Variants in SLC44A5 observed in about 807,000 individuals in gnomAD.
SLC44A5 encodes choline transporter-like protein 5.
A neutral mutation model predicts 101.8 loss-of-function variants in SLC44A5; 57 were observed. The observed-to-expected ratio is 0.56, with a 90% CI of 0.45 to 0.70. The LOEUF (loss-of-function observed/expected upper bound fraction) is 0.70, where lower values mean the gene tolerates loss of function less well. Among genes scored for constraint, SLC44A5 ranks in the 30% least tolerant of loss-of-function variants. The pLI, the probability that SLC44A5 is intolerant of heterozygous loss-of-function variation, is 0.00. For synonymous variants in SLC44A5, 281 were observed against 290.9 expected (o/e 0.97, Z 0.35); for missense variants, 737 against 853.1 (o/e 0.86, Z 1.70).
Position 75,249,359 on chromosome 1 carries a change from C to T in SLC44A5, c.345+1851G>A, listed in dbSNP as rs537543603. Among the ~76,000 whole-genome samples the T allele has an allele frequency of 2.9e-4, 44 of 152,088 alleles. No individual in the cohort carries two copies. In the South Asian group the frequency reaches 8.7e-3, roughly 30 times the overall value. ...AATGCTAGAAAAAATCATGAGGTAG[C>T]CTTAAAAAGCCTTTCACTGTTAAAA... On this transcript the variant is annotated intron_variant, in intron 7 of 23. Transcript: ENST00000370859.
intron 1 of SLC44A5, among the ~76,000 whole-genome samples, chr1:75,587,021 G>T (rs944344498): frequency 6.6e-6 from 1 of 152,070 alleles, no homozygotes; most frequent in African/African-American, 2.4e-5. Flanking sequence ...GGGGCAGGCT[G>T]GTGCCCCCTA....
intron 2 of SLC44A5, among the ~76,000 whole-genome samples, chr1:75,486,472 T>C (rs2101796788): frequency 6.6e-6 from 1 of 152,306 alleles, no homozygotes; most frequent in Middle Eastern, 3.4e-3. Context: ...TTTCCAAAAT[T>C]CAGAGAAAAG....
intron 5 of SLC44A5, among the ~76,000 whole-genome samples, chr1:75,300,014 CAAAAAAAAAA>C (rs35608663): frequency 0.44 from 41,562 of 94,020 alleles, 7,651 homozygotes; most frequent in East Asian, 0.83. Context: ...GACTCTGTCT[CAAAAAAAAAA>C]AAAAAAAAAA....
chr1:75,677,514 A>G, the SLC44A5 span, among the ~76,000 whole-genome samples: 1 of 152,202 alleles, frequency 6.6e-6, no homozygotes. Context: ...ATGTTAAAAC[A>G]TATCATCAGA....
intron 1 of SLC44A5, chr1:75,582,106 C>A: frequency 1.4e-6 from 1 of 730,184 alleles, no homozygotes; most frequent in South Asian, 1.4e-5. Flanking sequence ...ATGGCCAAGT[C>A]CAAGAACCAC....
At chr1:75,376,584 C>T (rs558009721) in intron 3 of SLC44A5, among the ~76,000 whole-genome samples, 1,546 of 152,186 alleles carry the variant, frequency 0.01, 28 homozygotes, top group African/African-American at 0.034. Flanking sequence ...ACACCTCACA[C>T]GGCAGGGTAC....
the SLC44A5 span, among the ~76,000 whole-genome samples, chr1:75,688,601 G>A: frequency 4.6e-5 from 7 of 152,232 alleles, no homozygotes; most frequent in South Asian, 1.5e-3. Flanking sequence ...CATCCTACTT[G>A]ACCTCAAAAG....
chr1:75,496,573 T>A (rs1668683014), intron 2 of SLC44A5, among the ~76,000 whole-genome samples: 2 of 148,234 alleles, frequency 1.3e-5, no homozygotes. Flanking sequence ...TTTTTGCATA[T>A]GACATCACAA....
intron 2 of SLC44A5, among the ~76,000 whole-genome samples, chr1:75,407,448 T>C (rs1662952532): frequency 6.6e-6 from 1 of 152,154 alleles, no homozygotes; most frequent in African/African-American, 2.4e-5. Context: ...TCACGCTACC[T>C]GACTTCAAAC....
At chr1:75,511,931 G>A (rs1042739645) in intron 2 of SLC44A5, among the ~76,000 whole-genome samples, 33 of 152,146 alleles carry the variant, frequency 2.2e-4, no homozygotes, top group Non-Finnish European at 2.9e-5. Flanking sequence ...TACATAGCTA[G>A]GACATTAAGT....
At chr1:75,429,477 T>C (rs1454099923) in intron 2 of SLC44A5, among the ~76,000 whole-genome samples, 1 of 152,222 alleles carries the variant, frequency 6.6e-6, no homozygotes, top group Non-Finnish European at 1.5e-5. Context: ...AGGGCTATGA[T>C]GTCTAAGCAC....
the SLC44A5 span, among the ~76,000 whole-genome samples, chr1:75,646,002 G>A: frequency 1.5e-5 from 2 of 133,342 alleles, no homozygotes; most frequent in Non-Finnish European, 3.3e-5. Context: ...TATCTGTTCT[G>A]GTACCAGTAC....
chr1:75,355,061 GGTTGGTAA>G (rs1658968764), intron 3 of SLC44A5, among the ~76,000 whole-genome samples: 1 of 152,146 alleles, frequency 6.6e-6, no homozygotes, highest in South Asian at 2.1e-4. Flanking sequence ...ATAAATGAGA[GGTTGGTAA>G]GATGTGCTTA....
intron 4 of SLC44A5, among the ~76,000 whole-genome samples, chr1:75,306,862 G>A (rs1015898935): frequency 1.3e-5 from 2 of 148,720 alleles, no homozygotes; most frequent in African/African-American, 4.9e-5. Context: ...AGCCTCCCGA[G>A]TAGCTGGGAC....
At chr1:75,476,611 G>C (rs564544607) in intron 2 of SLC44A5, among the ~76,000 whole-genome samples, 2 of 152,362 alleles carry the variant, frequency 1.3e-5, no homozygotes, top group African/African-American at 2.4e-5. Context: ...CCCACACCTG[G>C]CTCGGAGGGT....
chr1:75,210,049 CT>C (rs35106661), intron 23 of SLC44A5, among the ~76,000 whole-genome samples: 46 of 147,852 alleles, frequency 3.1e-4, no homozygotes, highest in African/African-American at 6.5e-4. Context: ...TTAAAAAAAT[CT>C]TTTTTTTTTT....
At chr1:75,694,819 G>A in the SLC44A5 span, among the ~76,000 whole-genome samples, 2 of 152,046 alleles carry the variant, frequency 1.3e-5, no homozygotes, top group South Asian at 2.1e-4. Flanking sequence ...GAAAAATATA[G>A]TATGGAAATT....
chr1:75,512,656 A>G (rs1467022153), intron 2 of SLC44A5, among the ~76,000 whole-genome samples: 2 of 152,242 alleles, frequency 1.3e-5, no homozygotes, highest in African/African-American at 4.8e-5. Context: ...TATTGGATGT[A>G]GTACTATGAA....
chr1:75,276,169 A>C (rs1651901797), intron 5 of SLC44A5, among the ~76,000 whole-genome samples: 1 of 152,188 alleles, frequency 6.6e-6, no homozygotes, highest in South Asian at 2.1e-4. Context: ...CATAGAGGCC[A>C]AATTGGTTTC....
Sources: gnomAD v4.1 joint callset for allele counts (sites outside exome capture counted in the v4.1 genomes callset) on GRCh38, gnomAD v4.1.1 for gene constraint, MANE v1.5 for transcripts, NCBI Gene and HGNC (gene_info 2026-07-23, HGNC 2026-07-21) for gene names.